Variants in TMEM87B observed in about 807,000 individuals in gnomAD.
TMEM87B encodes transmembrane protein 87B.
TMEM87B carries 83 observed loss-of-function variants against 80.3 expected under a neutral mutation model. The observed-to-expected ratio is 1.03, with a 90% CI of 0.87 to 1.24. The LOEUF is 1.24. Among genes scored for constraint, TMEM87B ranks in the 50% most tolerant of loss-of-function variants. The probability of loss-of-function intolerance (pLI) is 0.00; values close to 1 mark genes in which losing one functional copy is unlikely to be tolerated. For missense variants in TMEM87B, 625 were observed against 674.4 expected (o/e 0.93, Z 0.81); for synonymous variants, 219 against 230.5 (o/e 0.95, Z 0.45).
intron 5 of TMEM87B, 145 bp downstream of exon 5, chr2:112,075,107 G>C (rs6542026): frequency 1.9e-5 from 25 of 1,324,820 alleles, no homozygotes; most frequent in Non-Finnish European, 2.4e-5. Flanking sequence ...ATTTAAAACC[G>C]TATGTTTTCA....
intron 11 of TMEM87B, among the ~76,000 whole-genome samples, chr2:112,093,156 C>T (rs1260107932): frequency 1.3e-5 from 2 of 152,152 alleles, no homozygotes; most frequent in African/African-American, 4.8e-5. Context: ...TTCAGGTGTG[C>T]TGGCAAATGT....
At chr2:112,091,659 T>C in intron 10 of TMEM87B, 53 bp from the exon 11 acceptor site, 1 of 1,158,804 alleles carries the variant, frequency 8.6e-7, no homozygotes, top group African/African-American at 1.5e-5. Flanking sequence ...ATAATTGCTA[T>C]AGTGCAATGA....
In TMEM87B at chr2:112,055,615, A is replaced by T. The variant is rs2104447401; in HGVS notation, c.24A>T (p.Val8=). MVAACRS[V]AGLLPRRRRC... ...AGATGGTCGCCGCCTGCCGCTCGGT[A>T]GCCGGGCTCCTGCCACGCCGCCGCC... The change falls in exon 1 of 19, where the codon GTA becomes GTT. Residue 8 remains valine, a synonymous_variant. Coordinates refer to ENST00000283206, the MANE Select transcript of TMEM87B (RefSeq NM_032824.3). The T allele has an allele frequency of 1.3e-6, 2 of 1,535,994 alleles. No homozygotes were observed. The highest frequency in any genetic ancestry group is 2.4e-5 in the South Asian group (2 of 83,294).
chr2:112,075,035 T>C (rs1021458354), intron 5 of TMEM87B, 73 bp downstream of exon 5: 1 of 1,516,528 alleles, frequency 6.6e-7, no homozygotes, highest in African/African-American at 1.4e-5. Flanking sequence ...CGCTGATGGA[T>C]AGATACTTAG....
chr2:112,060,362 C>T (rs1441016674), intron 2 of TMEM87B, among the ~76,000 whole-genome samples: 1 of 151,660 alleles, frequency 6.6e-6, no homozygotes, highest in Non-Finnish European at 1.5e-5. Flanking sequence ...AACAAACAAA[C>T]AAGAATAATG....
intron 17 of TMEM87B, 78 bp downstream of exon 17, chr2:112,107,918 G>C: frequency 9.9e-7 from 1 of 1,013,606 alleles, no homozygotes; most frequent in Non-Finnish European, 1.5e-6. Context: ...CCTTTGTCAT[G>C]TGCTTTTCAA....
intron 2 of TMEM87B, among the ~76,000 whole-genome samples, 168 bp from the exon 3 acceptor site, chr2:112,063,994 A>C (rs1282787725): frequency 2.6e-5 from 4 of 152,262 alleles, no homozygotes. Flanking sequence ...GTAACAATTT[A>C]ATGAATTTAT....
chr2:112,057,045 C>T (rs1283656517), intron 1 of TMEM87B, among the ~76,000 whole-genome samples: 1 of 152,192 alleles, frequency 6.6e-6, no homozygotes, highest in African/African-American at 2.4e-5. Context: ...CTGCAAAGAT[C>T]TTTGCCAAGT....
chr2:112,103,088 G>A (rs1157409539), intron 15 of TMEM87B, among the ~76,000 whole-genome samples: 3 of 152,102 alleles, frequency 2.0e-5, no homozygotes, highest in Admixed American at 6.5e-5. Context: ...GAAAAAGTAC[G>A]GTAGAACTAA....
chr2:112,080,686 A>G lies in TMEM87B; in HGVS notation c.593-371A>G, dbSNP rs930804461. Among the ~76,000 whole-genome samples, 6 of 152,270 alleles carry G rather than the reference A, an allele frequency of 3.9e-5. No homozygotes were observed. The East Asian group carries it at 9.6e-4, about 24-fold the overall frequency. On this transcript the variant is annotated intron_variant, in intron 6 of 18. Coordinates refer to ENST00000283206, the MANE Select transcript of TMEM87B (RefSeq NM_032824.3). ...TTATCTCCCAGTACCTAAGTTGTCT[A>G]TGTCTACTGTTAATTGTTTCCTTTG... is the stretch of plus-strand genomic sequence containing the variant.
At chr2:112,070,549 C>A (rs1678592339) in intron 4 of TMEM87B, among the ~76,000 whole-genome samples, 1 of 152,142 alleles carries the variant, frequency 6.6e-6, no homozygotes, top group Non-Finnish European at 1.5e-5. Context: ...TGTTTTTGTA[C>A]CAGTACCATG....
At chr2:112,090,599 G>A (rs1225228412) in intron 10 of TMEM87B, among the ~76,000 whole-genome samples, 1 of 151,960 alleles carries the variant, frequency 6.6e-6, no homozygotes, top group Non-Finnish European at 1.5e-5. Context: ...ACTAATTTTT[G>A]TATTTTTTGT....
chr2:112,079,537 A>G (rs181993590), intron 6 of TMEM87B, among the ~76,000 whole-genome samples: 4 of 152,304 alleles, frequency 2.6e-5, no homozygotes, highest in East Asian at 1.9e-4. Flanking sequence ...CCTTGATTCC[A>G]TAACTTAGCT....
At chr2:112,060,449 T>G (rs1299770157) in intron 2 of TMEM87B, among the ~76,000 whole-genome samples, 2 of 152,140 alleles carry the variant, frequency 1.3e-5, no homozygotes, top group Non-Finnish European at 2.9e-5. Flanking sequence ...TATAATAAAC[T>G]AAGCAAATGT....
intron 15 of TMEM87B, among the ~76,000 whole-genome samples, chr2:112,104,411 T>C (rs1679710444): frequency 6.6e-6 from 1 of 152,168 alleles, no homozygotes; most frequent in Admixed American, 6.5e-5. Flanking sequence ...AGCAGAAGAC[T>C]AGTGTAGACA....
intron 17 of TMEM87B, among the ~76,000 whole-genome samples, chr2:112,109,664 C>CT (rs561752709): frequency 0.077 from 3,550 of 46,342 alleles, 503 homozygotes; most frequent in Non-Finnish European, 0.1. Flanking sequence ...TAAGTATGGT[C>CT]TTTTTTTTTT....
At chr2:112,093,809 C>G (rs1278145586) in intron 11 of TMEM87B, among the ~76,000 whole-genome samples, 1 of 152,176 alleles carries the variant, frequency 6.6e-6, no homozygotes, top group Admixed American at 6.5e-5. Flanking sequence ...GTCTGTAGGT[C>G]CCACAGGACT....
chr2:112,112,777 T>A (rs940925477), intron 17 of TMEM87B, 122 bp from the exon 18 acceptor site: 2 of 886,232 alleles, frequency 2.3e-6, no homozygotes, highest in African/African-American at 3.4e-5. Context: ...CTCCCTTCTG[T>A]CACCTGTGGA....
In TMEM87B at chr2:112,119,284, G is replaced by T. The variant is rs534302148; in HGVS notation, c.*3141G>T. On this transcript the variant is annotated 3_prime_UTR_variant, in exon 19 of 19. Coordinates refer to ENST00000283206, the MANE Select transcript of TMEM87B (RefSeq NM_032824.3). ...GATGTATTTTGTGCCTTAATATTTTGTTCTTTTAATAAAAATGCTCTGAAT... is the reference window on the plus strand; with the variant it reads ...GATGTATTTTGTGCCTTAATATTTTTTTCTTTTAATAAAAATGCTCTGAAT... The T allele has an allele frequency of 6.6e-6, 1 of 152,184 alleles. No individual in the cohort carries two copies. Among genetic ancestry groups the T allele is most frequent in the Non-Finnish European group, 1.5e-5 (1 of 67,986 alleles). 9.4% of individuals were successfully genotyped at this position (152,184 alleles called of 1,614,324 possible). A position where few individuals can be genotyped will look rare whatever the true frequency, so the allele number is the denominator to read the frequency against.
Sources: allele counts gnomAD v4.1 joint callset (sites outside exome capture counted in the v4.1 genomes callset), GRCh38; gene constraint gnomAD v4.1.1; transcripts MANE v1.5; gene names NCBI Gene and HGNC (gene_info 2026-07-23, HGNC 2026-07-21).